The following CCDC88A variants were observed in gnomAD, a reference collection of about 807,000 sequenced individuals.
The protein encoded by CCDC88A is girdin.
CCDC88A carries 54 observed loss-of-function variants against 234.3 expected under a neutral mutation model. The observed-to-expected ratio is 0.23, with a 90% CI of 0.19 to 0.29. CCDC88A has a LOEUF of 0.29. CCDC88A is among the 10% of genes least tolerant of loss of function. The probability of loss-of-function intolerance (pLI) is 1.00; values close to 1 mark genes in which losing one functional copy is unlikely to be tolerated. For synonymous variants in CCDC88A, 753 were observed against 737.8 expected (o/e 1.02, Z -0.33); for missense variants, 1,832 against 2,123.4 (o/e 0.86, Z 2.70).
chr2:55,313,190 T>A (rs1682545280), intron 22 of CCDC88A: 1 of 152,244 alleles, frequency 6.6e-6, no homozygotes, highest in Non-Finnish European at 1.5e-5. Context: ...TGTCTCAGCT[T>A]CCTGAGCAGC....
intron 23 of CCDC88A, among the ~76,000 whole-genome samples, chr2:55,310,334 T>C (rs1480840966): frequency 6.6e-6 from 1 of 152,026 alleles, no homozygotes; most frequent in Admixed American, 6.6e-5. Context: ...GTAATTCTAG[T>C]GCTTTGGGAG....
At chr2:55,358,718 T>C (rs899333088) in intron 7 of CCDC88A, among the ~76,000 whole-genome samples, 9 of 152,216 alleles carry the variant, frequency 5.9e-5, no homozygotes, top group Admixed American at 5.9e-4. Context: ...TCCATTTCTT[T>C]CTTCTTATTG....
intron 3 of CCDC88A, among the ~76,000 whole-genome samples, chr2:55,377,566 A>G (rs1271965903): frequency 6.6e-6 from 1 of 151,834 alleles, no homozygotes; most frequent in Non-Finnish European, 1.5e-5. Context: ...GAGCCTTCAA[A>G]TTCACCTTCA....
chr2:55,373,440 TCATCAATGGTCCC>T, intron 4 of CCDC88A, among the ~76,000 whole-genome samples: 1 of 152,252 alleles, frequency 6.6e-6, no homozygotes. Context: ...CCTGATCCAA[TCATCAATGGTCCC>T]CCACTCTCAC....
In CCDC88A at chr2:55,288,085, T is replaced by C. The variant is rs1679194572; in HGVS notation, c.*3115A>G. The stretch of plus-strand genomic sequence containing the variant: ...TAGTTTTAAAGGAAATGTTACAGCT[T>C]TTATATTATTTGATTTGGTATTTAA... On this transcript the variant is annotated 3_prime_UTR_variant, in exon 33 of 33. Transcript: ENST00000436346. 1.3e-5 allele frequency: 2 copies of C among 152,638 alleles called. No homozygotes were observed. Among genetic ancestry groups the C allele is most frequent in the Admixed American group, 6.5e-5 (1 of 15,286 alleles). 9.5% of individuals were successfully genotyped at this position (152,638 alleles called of 1,614,324 possible). A position where few individuals can be genotyped will look rare whatever the true frequency, so the allele number is the denominator to read the frequency against.
chr2:55,326,989 G>A (rs527786628), intron 17 of CCDC88A, among the ~76,000 whole-genome samples: 1 of 152,296 alleles, frequency 6.6e-6, no homozygotes, highest in South Asian at 2.1e-4. Flanking sequence ...CAGTGATACT[G>A]CTAATGGGGT....
intron 7 of CCDC88A, among the ~76,000 whole-genome samples, chr2:55,359,683 A>C (rs986385041): frequency 3.3e-5 from 5 of 151,170 alleles, no homozygotes; most frequent in African/African-American, 1.2e-4. Context: ...TCACTTTCAA[A>C]ATTTTATTAT....
At chr2:55,294,140 G>C (rs1679757635) in intron 31 of CCDC88A, 2 of 559,058 alleles carry the variant, frequency 3.6e-6, no homozygotes, top group South Asian at 1.6e-4. Context: ...TACCCTTTTT[G>C]ATTAGAAGTA....
chr2:55,383,991 G>A (rs553410567), intron 3 of CCDC88A, among the ~76,000 whole-genome samples: 6 of 152,146 alleles, frequency 3.9e-5, no homozygotes, highest in African/African-American at 7.2e-5. Context: ...TATGAGCTAC[G>A]ACCATGCCAC....
In CCDC88A at chr2:55,395,189, G is replaced by C. The variant is rs1467806499; in HGVS notation, c.165-6303C>G. Among the ~76,000 whole-genome samples the C allele has an allele frequency of 2.0e-5, 3 of 152,074 alleles. No individual in the cohort carries two copies. The East Asian group carries it at 5.8e-4, about 29-fold the overall frequency. ...TGAGATCTCTCACTATGTTGCTCAG[G>C]CTTGCCTCAAACTCCTGGCCTCAAG... On this transcript the variant is annotated intron_variant, in intron 2 of 32. Coordinates refer to ENST00000436346, the MANE Select transcript of CCDC88A (RefSeq NM_001365480.1).
At chr2:55,342,926 T>G (rs1053670618) in intron 12 of CCDC88A, among the ~76,000 whole-genome samples, 1 of 152,144 alleles carries the variant, frequency 6.6e-6, no homozygotes, top group Non-Finnish European at 1.5e-5. Flanking sequence ...CTGAGGAGTT[T>G]TGAAACTAGT....
chr2:55,306,616 C>T (rs1458936332), intron 25 of CCDC88A, among the ~76,000 whole-genome samples: 1 of 151,740 alleles, frequency 6.6e-6, no homozygotes, highest in Admixed American at 6.6e-5. Context: ...GACAAAGTCT[C>T]GCCCTGTCAC....
intron 12 of CCDC88A, among the ~76,000 whole-genome samples, chr2:55,341,705 A>T (rs1277924207): frequency 2.0e-5 from 3 of 152,028 alleles, no homozygotes; most frequent in Non-Finnish European, 4.4e-5. Flanking sequence ...GGCCTCCCAA[A>T]GTGCTGGGAT....
At chr2:55,339,872 C>A in intron 12 of CCDC88A, 1 of 380,824 alleles carries the variant, frequency 2.6e-6, no homozygotes, top group Non-Finnish European at 4.6e-6. Context: ...CTCTCTGTCA[C>A]CCAGGCTGGA....
intron 8 of CCDC88A, among the ~76,000 whole-genome samples, chr2:55,353,303 T>A (rs1264665890): frequency 6.6e-6 from 1 of 152,192 alleles, no homozygotes; most frequent in Non-Finnish European, 1.5e-5. Context: ...TGGAGAAGAT[T>A]GTGCTAAATT....
At chr2:55,383,575 A>T (rs1423494821) in intron 3 of CCDC88A, among the ~76,000 whole-genome samples, 1 of 151,276 alleles carries the variant, frequency 6.6e-6, no homozygotes, top group Admixed American at 6.6e-5. Flanking sequence ...GTGAGTCAAG[A>T]TTGTGCCACT....
At position 55,290,011 on chromosome 2, in the gene CCDC88A, A is replaced by G. The variant is rs1679336041; in HGVS notation, c.*1189T>C. 1 of 152,604 alleles carries G rather than the reference A, an allele frequency of 6.6e-6. No individual in the cohort carries two copies. The highest frequency in any genetic ancestry group is 2.4e-5 in the African/African-American group (1 of 41,472). The allele number at this position is 152,604 out of a possible 1,614,324, so 9.5% of individuals were successfully genotyped here. On this transcript the variant is annotated 3_prime_UTR_variant, in exon 33 of 33. Transcript: ENST00000436346. ...GATGTTAAATAATGAATTTGCATTA[A>G]TGAGTATCAATGCATTTTTTGATTT... is the stretch of plus-strand genomic sequence containing the variant.
intron 18 of CCDC88A, among the ~76,000 whole-genome samples, chr2:55,321,556 A>T (rs1167764134): frequency 6.6e-6 from 1 of 152,130 alleles, no homozygotes; most frequent in Non-Finnish European, 1.5e-5. Context: ...CGTCTCAAAA[A>T]AAAACCAAAA....
In CCDC88A at chr2:55,312,457, A is replaced by G. The variant is rs1682459007; in HGVS notation, c.4056T>C (p.Phe1352=). The G allele has an allele frequency of 6.2e-7, 1 of 1,612,378 alleles. No individual in the cohort carries two copies. Among genetic ancestry groups the G allele is most frequent in the East Asian group, 2.2e-5 (1 of 44,744 alleles). ...LEQNMESKDL[F]HVEQRQYIDK... ...ACATGTACTGTCTTTGTTCAACATG[A>G]AAAAGATCCTTGCTTTCCATATTCT... is the stretch of plus-strand genomic sequence containing the variant. The change falls in exon 23 of 33, where the codon TTT becomes TTC. Residue 1352 remains phenylalanine (F), a synonymous_variant. Transcript: ENST00000436346.
Sources: gnomAD v4.1 joint callset for allele counts (sites outside exome capture counted in the v4.1 genomes callset) on GRCh38, gnomAD v4.1.1 for gene constraint, MANE v1.5 for transcripts, NCBI Gene and HGNC (gene_info 2026-07-23, HGNC 2026-07-21) for gene names.